The following PACS2 variants were observed in gnomAD, a reference collection of about 807,000 sequenced individuals.
PACS2 encodes the protein phosphofurin acidic cluster sorting protein 2.
Under a neutral mutation model 113.0 loss-of-function variants are expected in PACS2, and 36 were observed. The observed-to-expected ratio is 0.32, with a 90% CI of 0.24 to 0.42. The LOEUF is 0.42. Ranked by LOEUF, PACS2 falls within the 10% of genes least tolerant of loss-of-function variation. The probability of loss-of-function intolerance (pLI) is 1.00; values close to 1 mark genes in which losing one functional copy is unlikely to be tolerated. For missense variants in PACS2, 1,015 were observed against 1,239.5 expected (o/e 0.82, Z 2.72); for synonymous variants, 589 against 536.1 (o/e 1.10, Z -1.36).
intron 1 of PACS2, among the ~76,000 whole-genome samples, chr14:105,344,961 T>G (rs1462578315): frequency 6.6e-6 from 1 of 151,742 alleles, no homozygotes; most frequent in Non-Finnish European, 1.5e-5. Flanking sequence ...TATAAAAAAT[T>G]AGCTGGGCGT....
chr14:105,303,014 C>T (rs2058085224), intron 1 of PACS2, among the ~76,000 whole-genome samples: 1 of 151,814 alleles, frequency 6.6e-6, no homozygotes, highest in Non-Finnish European at 1.5e-5. Flanking sequence ...CTGCAACTTC[C>T]ACCTCCCAGG....
At chr14:105,392,975 G>C (rs1312680442) in intron 23 of PACS2, 130 bp downstream of exon 23, 3 of 735,430 alleles carry the variant, frequency 4.1e-6, no homozygotes, top group Non-Finnish European at 4.5e-6. Context: ...GGCAGGGGCG[G>C]GTGGGGTGAG....
At position 105,379,824 on chromosome 14, in the gene PACS2, A is replaced by G. The variant is rs782524811; in HGVS notation, c.1045A>G (p.Ser349Gly). 6.2e-7 allele frequency: 1 copy of G among 1,613,210 alleles called. No homozygotes were observed. ...HSARSHKEPP[S>G]PADVPEKTRS... ...CGCCCGCAGCCACAAGGAGCCCCCA[A>G]GCCCGGTGAGTGGGGCCACACTGAT... is the stretch of plus-strand genomic sequence containing the variant. The change falls in exon 10 of 25, where the codon AGC becomes GGC. Residue 349 changes from serine (S) to glycine (G), a missense_variant. Ser to Gly is a moderately conservative substitution (Grantham distance 56). Around this residue, in one of 3 missense-constraint regions of PACS2, gnomAD observed 859 missense variants for 1,056.8 expected, o/e 0.81. Coordinates refer to ENST00000447393, the MANE Select transcript of PACS2 (RefSeq NM_001100913.3).
chr14:105,312,629 G>A (rs150179786), upstream of PACS2, among the ~76,000 whole-genome samples: 2 of 152,292 alleles, frequency 1.3e-5, no homozygotes, highest in East Asian at 3.9e-4. Context: ...ATCTCCTCCT[G>A]TGACCCACAG....
At chr14:105,353,352 A>G (rs782521003) in intron 3 of PACS2, among the ~76,000 whole-genome samples, 98 of 88,544 alleles carry the variant, frequency 1.1e-3, no homozygotes, top group African/African-American at 3.6e-3. Flanking sequence ...GGGCGCCCTC[A>G]TCACTGTCCC....
chr14:105,329,615 C>T lies in PACS2; in HGVS notation c.119+14578C>T, dbSNP rs1445433577. Among the ~76,000 whole-genome samples, 1 of 152,164 alleles carries T rather than the reference C, an allele frequency of 6.6e-6. No individual in the cohort carries two copies. Among genetic ancestry groups the T allele is most frequent in the Non-Finnish European group, 1.5e-5 (1 of 68,024 alleles). On this transcript the variant is annotated intron_variant, in intron 1 of 24. Coordinates refer to ENST00000447393, the MANE Select transcript of PACS2 (RefSeq NM_001100913.3). The surrounding 1 kb of genome is among the most constrained non-coding windows in gnomAD (Gnocchi z 6.4). The stretch of plus-strand genomic sequence containing the variant: ...GTGTCAGCCAAGTGGCGGGCACCTT[C>T]TGGGCTTGGGGGCGGGGCTTCTCAC...
rs150424568 is a variant in PACS2 at position 105,367,418 on chromosome 14, G to C, written c.586+43G>C. ...CCGCTCCTGCCCCTGCTGTGGGGAG[G>C]CCCTGCCTTCCAGCCATGGCACATC... On this transcript the variant is annotated intron_variant, in intron 5 of 24. Coordinates refer to ENST00000447393, the MANE Select transcript of PACS2 (RefSeq NM_001100913.3). 2,955 of 1,591,700 alleles carry C rather than the reference G, an allele frequency of 1.9e-3. 34 individuals carry two copies. The East Asian group carries it at 0.023, about 13-fold the overall frequency.
intron 4 of PACS2, among the ~76,000 whole-genome samples, chr14:105,360,938 T>A (rs1258216857): frequency 1.3e-5 from 2 of 152,186 alleles, no homozygotes; most frequent in African/African-American, 4.8e-5. Flanking sequence ...GAAACCACTT[T>A]CGTTGCTCAT....
chr14:105,362,427 AAAAG>A (rs1351860281), intron 4 of PACS2, among the ~76,000 whole-genome samples: 1 of 151,566 alleles, frequency 6.6e-6, no homozygotes, highest in Non-Finnish European at 1.5e-5. Flanking sequence ...AAAAAAAAAA[AAAAG>A]AAAAGAAAAA....
chr14:105,314,402 C>G (rs951976072), upstream of PACS2: 3 of 150,598 alleles, frequency 2.0e-5, no homozygotes, highest in African/African-American at 7.3e-5. Context: ...GCGCCTGAAG[C>G]TGGCCGGGAC....
chr14:105,373,654 G>A (rs2061239096), intron 8 of PACS2, among the ~76,000 whole-genome samples: 1 of 152,130 alleles, frequency 6.6e-6, no homozygotes, highest in African/African-American at 2.4e-5. Flanking sequence ...CGGGCATGGT[G>A]GTATGCACCT....
chr14:105,310,004 T>C (rs1468177727), upstream of PACS2, among the ~76,000 whole-genome samples: 1 of 151,556 alleles, frequency 6.6e-6, no homozygotes, highest in Non-Finnish European at 1.5e-5. Flanking sequence ...CAGGCTAGTT[T>C]TGAACTCCTG....
intron 4 of PACS2, among the ~76,000 whole-genome samples, chr14:105,362,217 G>C (rs587704082): frequency 2.8e-4 from 42 of 151,132 alleles, no homozygotes; most frequent in Non-Finnish European, 4.3e-4. Context: ...AGGAGATCAA[G>C]ACCATCCTGG....
At chr14:105,381,464 T>A (rs2080992005) in intron 12 of PACS2, among the ~76,000 whole-genome samples, 1 of 152,246 alleles carries the variant, frequency 6.6e-6, no homozygotes, top group South Asian at 2.1e-4. Context: ...TTGGGACTTT[T>A]TCCAAAGCAG....
chr14:105,376,299 G>A lies in PACS2; in HGVS notation c.802-469G>A, dbSNP rs587698269. 6.6e-6 allele frequency among the ~76,000 whole-genome samples: 1 copy of A among 152,108 alleles called. No homozygotes were observed. The highest frequency in any genetic ancestry group is 1.9e-4 in the East Asian group (1 of 5,164). On this transcript the variant is annotated intron_variant, in intron 8 of 24. Coordinates refer to ENST00000447393, the MANE Select transcript of PACS2 (RefSeq NM_001100913.3). The surrounding 1 kb of genome is among the most constrained non-coding windows in gnomAD (Gnocchi z 4.7). ...CGCCACCGAGAGCTGCAGGCCACAT[G>A]ATTCCTTTTGGGTAGCACTCGGGAA... is the stretch of plus-strand genomic sequence containing the variant.
intron 22 of PACS2, 155 bp downstream of exon 22, chr14:105,391,921 C>G: frequency 1.5e-6 from 1 of 685,762 alleles, no homozygotes; most frequent in Non-Finnish European, 2.4e-6. Flanking sequence ...TGGGTCCTCT[C>G]TGGCCACCTC....
chr14:105,362,381 C>T (rs1402260091), intron 4 of PACS2, among the ~76,000 whole-genome samples: 3 of 147,896 alleles, frequency 2.0e-5, no homozygotes, highest in East Asian at 2.0e-4. Flanking sequence ...CGCGCCACTG[C>T]ACTCCAGCCT....
intron 21 of PACS2, 184 bp downstream of exon 21, chr14:105,391,433 A>G: frequency 1.5e-6 from 1 of 659,400 alleles, no homozygotes; most frequent in Non-Finnish European, 2.6e-6. Context: ...ACAAAGCCCC[A>G]CATCAAGGCT....
chr14:105,392,357 G>A (rs2081389192), intron 22 of PACS2: 1 of 532,216 alleles, frequency 1.9e-6, no homozygotes, highest in Non-Finnish European at 3.4e-6. Context: ...GACTCCAAGG[G>A]GCAGCTTGGA....
Sources: allele counts gnomAD v4.1 joint callset (sites outside exome capture counted in the v4.1 genomes callset), GRCh38; gene constraint gnomAD v4.1.1; regional missense constraint gnomAD v4.1.1; non-coding constraint Gnocchi (gnomAD v3.1); transcripts MANE v1.5; gene names NCBI Gene and HGNC (gene_info 2026-07-23, HGNC 2026-07-21).